Variants in ALCAM observed in about 807,000 individuals in gnomAD.
ALCAM encodes the protein activated leukocyte cell adhesion molecule.
ALCAM carries 30 observed loss-of-function variants against 70.9 expected under a neutral mutation model. The ratio of observed to expected loss-of-function variants is 0.42; its 90% confidence interval spans 0.32 to 0.57. The LOEUF is 0.57. Ranked by LOEUF, ALCAM falls within the 20% of genes least tolerant of loss-of-function variation. The pLI, the probability that ALCAM is intolerant of heterozygous loss-of-function variation, is 0.11. For synonymous variants in ALCAM, 249 were observed against 242.5 expected (o/e 1.03, Z -0.25); for missense variants, 591 against 695.1 (o/e 0.85, Z 1.68).
intron 1 of ALCAM, among the ~76,000 whole-genome samples, chr3:105,413,550 G>A (rs114808202): frequency 0.012 from 1,844 of 152,242 alleles, 13 homozygotes; most frequent in Non-Finnish European, 0.02. Context: ...GTGCATAGTA[G>A]ATGGATGTGG....
At position 105,575,627 on chromosome 3, in the gene ALCAM, A is replaced by G. The variant is rs549050681; in HGVS notation, c.*1176A>G. The stretch of plus-strand genomic sequence containing the variant: ...CATTCAAATTTGTAACTTTATAAAC[A>G]TGTTTTATGCTTGAGGAAATTTTTA... On this transcript the variant is annotated 3_prime_UTR_variant, in exon 16 of 16. Transcript: ENST00000306107. 3 of 152,674 alleles carry G rather than the reference A, an allele frequency of 2.0e-5. No homozygotes were observed. Among genetic ancestry groups the G allele is most frequent in the East Asian group, 1.9e-4 (1 of 5,178 alleles). The allele number at this position is 152,674 out of a possible 1,614,324, so 9.5% of individuals were successfully genotyped here. A position where few individuals can be genotyped will look rare whatever the true frequency, so the allele number is the denominator to read the frequency against.
intron 1 of ALCAM, among the ~76,000 whole-genome samples, chr3:105,383,363 T>C (rs141335514): frequency 1.6e-4 from 25 of 151,912 alleles, no homozygotes; most frequent in African/African-American, 4.6e-4. Context: ...CCCATGATGA[T>C]TGAATAAATG....
At chr3:105,510,232 C>T (rs1208564680) in intron 1 of ALCAM, among the ~76,000 whole-genome samples, 1 of 151,960 alleles carries the variant, frequency 6.6e-6, no homozygotes, top group Non-Finnish European at 1.5e-5. Flanking sequence ...TGGGTGGAAG[C>T]GTTCTAGACT....
rs561140758 is a variant in ALCAM, at chr3:105,558,655, AAAGT to A, written c.1664+6073_1664+6076del. Among the ~76,000 whole-genome samples the A allele has an allele frequency of 7.2e-5, 11 of 152,298 alleles. No individual in the cohort carries two copies. In the South Asian group the frequency reaches 1.5e-3, roughly 20 times the overall value. On this transcript the variant is annotated intron_variant, in intron 14 of 15. Transcript: ENST00000306107. ...CTTAAATCTTCTGAAAAGTTATTTG[AAAGT>A]AACTTTAGCCCTTTAAACGCACTGC...
chr3:105,439,849 C>A (rs1008398031), intron 1 of ALCAM, among the ~76,000 whole-genome samples: 1 of 152,120 alleles, frequency 6.6e-6, no homozygotes, highest in African/African-American at 2.4e-5. Flanking sequence ...GTGCAAAATC[C>A]CTGTGATGCA....
At position 105,545,098 on chromosome 3, in the gene ALCAM, A is replaced by C. The variant is rs909658713; in HGVS notation, c.992-125A>C. ...ATAGTCCAATTATTTTAGTCATATA[A>C]ATCAGTTCTGAATGTTCAAATGCAG... On this transcript the variant is annotated intron_variant, in intron 8 of 15. Transcript: ENST00000306107. The C allele has an allele frequency of 2.3e-5, 16 of 698,034 alleles. No individual in the cohort carries two copies. The African/African-American group carries it at 2.8e-4, about 12-fold the overall frequency. The allele number at this position is 698,034 out of a possible 1,614,324, so 43.2% of individuals were successfully genotyped here. A position where few individuals can be genotyped will look rare whatever the true frequency, so the allele number is the denominator to read the frequency against.
At chr3:105,455,629 GGACT>G (rs1937526814) in intron 1 of ALCAM, among the ~76,000 whole-genome samples, 1 of 152,122 alleles carries the variant, frequency 6.6e-6, no homozygotes, top group Admixed American at 6.5e-5. Flanking sequence ...ACTAAGACAA[GGACT>G]GGGCGGAAGT....
rs1935083683 is a variant in ALCAM at position 105,367,294 on chromosome 3, G to A, written c.-115G>A. 8.0e-6 allele frequency: 8 copies of A among 994,900 alleles called. No homozygotes were observed. The highest frequency in any genetic ancestry group is 1.2e-5 in the Non-Finnish European group (8 of 654,832). 61.6% of individuals were successfully genotyped at this position (994,900 alleles called of 1,614,324 possible). The stretch of plus-strand genomic sequence containing the variant: ...AGCCCAGGGGACGGTGTGTCTGGGA[G>A]AAGACGCTGCCCCTGCGTCGGGACC... On this transcript the variant is annotated 5_prime_UTR_variant, in exon 1 of 16. Coordinates refer to ENST00000306107, the MANE Select transcript of ALCAM (RefSeq NM_001627.4).
chr3:105,428,617 T>C (rs1469307763), intron 1 of ALCAM, among the ~76,000 whole-genome samples: 2 of 151,934 alleles, frequency 1.3e-5, no homozygotes, highest in East Asian at 1.9e-4. Flanking sequence ...TATTTCAGAA[T>C]TGTCACTTTC....
chr3:105,402,591 C>T lies in ALCAM; in HGVS notation c.73+35110C>T, dbSNP rs536817625. 1.5e-3 allele frequency among the ~76,000 whole-genome samples: 224 copies of T among 152,176 alleles called. 1 individual carries two copies. Among genetic ancestry groups the T allele is most frequent in the African/African-American group, 4.9e-3 (203 of 41,514 alleles). ...TTTAGGTGTGCAGGCTGCATGGGAG[C>T]GGGGTGTGGCCCGTGACTGCTGGCT... On this transcript the variant is annotated intron_variant, in intron 1 of 15. Transcript: ENST00000306107.
intron 3 of ALCAM, among the ~76,000 whole-genome samples, chr3:105,528,071 T>G (rs991959705): frequency 1.5e-4 from 23 of 152,304 alleles, no homozygotes; most frequent in African/African-American, 5.5e-4. Flanking sequence ...GACAAAGTAC[T>G]GGGAGGAGCC....
At position 105,574,741 on chromosome 3, in the gene ALCAM, T is replaced by C. The variant is rs963429715; in HGVS notation, c.*290T>C. The stretch of plus-strand genomic sequence containing the variant: ...AAATGTCTGCACTGAGGATTTCTTT[T>C]TGGTTTGCCTTTTATGTAAATTTTT... On this transcript the variant is annotated 3_prime_UTR_variant, in exon 16 of 16. Coordinates refer to ENST00000306107, the MANE Select transcript of ALCAM (RefSeq NM_001627.4). The C allele has an allele frequency of 6.6e-6, 1 of 152,662 alleles. No individual in the cohort carries two copies. Among genetic ancestry groups the C allele is most frequent in the Non-Finnish European group, 1.5e-5 (1 of 68,038 alleles). 9.5% of individuals were successfully genotyped at this position (152,662 alleles called of 1,614,324 possible). A position where few individuals can be genotyped will look rare whatever the true frequency, so the allele number is the denominator to read the frequency against.
chr3:105,498,824 A>G (rs555487452), intron 1 of ALCAM, among the ~76,000 whole-genome samples: 115 of 152,238 alleles, frequency 7.6e-4, no homozygotes, highest in African/African-American at 2.6e-3. Context: ...CTAAATTCCC[A>G]TTGTCTTATG....
intron 1 of ALCAM, among the ~76,000 whole-genome samples, chr3:105,461,705 A>G (rs1487045093): frequency 6.6e-6 from 1 of 151,762 alleles, no homozygotes; most frequent in Non-Finnish European, 1.5e-5. Context: ...CAAAGAAAGA[A>G]CTAGAACCAT....
intron 1 of ALCAM, among the ~76,000 whole-genome samples, chr3:105,455,027 T>G (rs112384544): frequency 3.3e-5 from 5 of 152,020 alleles, no homozygotes; most frequent in African/African-American, 1.2e-4. Context: ...GTGAAGAAAC[T>G]CTTGTTGAAT....
rs191448724 is a variant in ALCAM at position 105,576,681 on chromosome 3, G to C, written c.*2230G>C. The C allele has an allele frequency of 2.1e-4, 32 of 152,300 alleles. No homozygotes were observed. The highest frequency in any genetic ancestry group is 7.5e-4 in the African/African-American group (31 of 41,556). The allele number at this position is 152,300 out of a possible 1,614,324, so 9.4% of individuals were successfully genotyped here. A position where few individuals can be genotyped will look rare whatever the true frequency, so the allele number is the denominator to read the frequency against. ...CCTGGATAAAGAGGAAAGCTTACTT[G>C]TTTAATGGCAGCCACATGCACGAAG... On this transcript the variant is annotated 3_prime_UTR_variant, in exon 16 of 16. Coordinates refer to ENST00000306107, the MANE Select transcript of ALCAM (RefSeq NM_001627.4).
intron 14 of ALCAM, among the ~76,000 whole-genome samples, chr3:105,564,923 G>T (rs1271672922): frequency 1.3e-5 from 2 of 152,196 alleles, no homozygotes; most frequent in African/African-American, 2.4e-5. Flanking sequence ...CCACACGCTT[G>T]TGATCCCAGC....
chr3:105,452,413 T>C (rs1937450921), intron 1 of ALCAM, among the ~76,000 whole-genome samples: 1 of 152,226 alleles, frequency 6.6e-6, no homozygotes, highest in South Asian at 2.1e-4. Flanking sequence ...TCATTCCTTT[T>C]TATGGCTGGA....
chr3:105,552,004 T>A (rs1940421097), intron 12 of ALCAM, 140 bp from the exon 13 acceptor site: 2 of 531,598 alleles, frequency 3.8e-6, no homozygotes, highest in Admixed American at 8.1e-5. Context: ...TTATTAAGTG[T>A]GATTTTTTTT....
Sources: allele counts gnomAD v4.1 joint callset (sites outside exome capture counted in the v4.1 genomes callset), GRCh38; gene constraint gnomAD v4.1.1; transcripts MANE v1.5; gene names NCBI Gene and HGNC (gene_info 2026-07-23, HGNC 2026-07-21).